PRSS23: variants seen among roughly 807,000 people sequenced by gnomAD.
PRSS23 encodes the protein protease, serine 23.
Under a neutral mutation model 34.7 loss-of-function variants are expected in PRSS23, and 25 were observed. That is an observed-to-expected ratio of 0.72 (90% CI 0.53 to 1.01). The LOEUF (loss-of-function observed/expected upper bound fraction) is 1.01, where lower values mean the gene tolerates loss of function less well. Among genes scored for constraint, PRSS23 ranks in the 50% least tolerant of loss-of-function variants. PRSS23 has a pLI of 0.00. For missense variants in PRSS23, 445 were observed against 475.6 expected (o/e 0.94, Z 0.60); for synonymous variants, 176 against 186.6 (o/e 0.94, Z 0.46).
chr11:86,918,126 A>C (rs1239094771), intron 2 of PRSS23, among the ~76,000 whole-genome samples: 1 of 152,222 alleles, frequency 6.6e-6, no homozygotes, highest in Admixed American at 6.5e-5. Context: ...CTTTTTGCTG[A>C]AAATAAAAAG....
chr11:86,831,916 A>G (rs1948359680), intron 2 of PRSS23, among the ~76,000 whole-genome samples: 1 of 151,600 alleles, frequency 6.6e-6, no homozygotes, highest in Non-Finnish European at 1.5e-5. Flanking sequence ...TTCCGGAATG[A>G]TGTTACTCCT....
chr11:86,909,662 G>GT (rs1242732653), intron 2 of PRSS23: 1 of 152,212 alleles, frequency 6.6e-6, no homozygotes, highest in Admixed American at 6.5e-5. Flanking sequence ...GAACAGGGAT[G>GT]TCCAGAGTAC....
intron 2 of PRSS23, among the ~76,000 whole-genome samples, chr11:86,938,250 T>C (rs1335342760): frequency 6.6e-6 from 1 of 152,170 alleles, no homozygotes; most frequent in Non-Finnish European, 1.5e-5. Context: ...CAATATAATG[T>C]AATATAACAC....
chr11:86,815,508 T>C (rs1185583152), downstream of PRSS23, among the ~76,000 whole-genome samples: 2 of 152,196 alleles, frequency 1.3e-5, no homozygotes, highest in African/African-American at 2.4e-5. Flanking sequence ...TAGGGTTATG[T>C]GAGCTTGGAT....
intron 1 of PRSS23, chr11:86,821,210 C>A: frequency 1.7e-6 from 1 of 605,550 alleles, no homozygotes; most frequent in South Asian, 2.0e-5. Context: ...GAGGTTATCC[C>A]TGGACATCAA....
intron 2 of PRSS23, among the ~76,000 whole-genome samples, chr11:86,870,371 C>T (rs1478569236): frequency 6.6e-6 from 1 of 152,060 alleles, no homozygotes; most frequent in East Asian, 1.9e-4. Flanking sequence ...AATAGGGCCT[C>T]GTACTGTGTT....
intron 2 of PRSS23, among the ~76,000 whole-genome samples, chr11:86,874,742 A>T (rs1948711109): frequency 1.3e-5 from 2 of 152,196 alleles, no homozygotes; most frequent in African/African-American, 4.8e-5. Flanking sequence ...GTGGGTCATG[A>T]ATTGGGATAT....
At chr11:86,894,862 G>A (rs1241615520) in intron 2 of PRSS23, among the ~76,000 whole-genome samples, 1 of 152,094 alleles carries the variant, frequency 6.6e-6, no homozygotes. Flanking sequence ...AGGCTCTAAG[G>A]TATCTCATTT....
downstream of PRSS23, among the ~76,000 whole-genome samples, chr11:86,812,329 G>A (rs1057122181): frequency 6.6e-6 from 1 of 152,186 alleles, no homozygotes; most frequent in African/African-American, 2.4e-5. Context: ...TCAGCATTCT[G>A]AGGGCCTCCA....
At chr11:86,873,201 C>CACACACACATATATATGTATATATATAT (rs1948697117) in intron 2 of PRSS23, among the ~76,000 whole-genome samples, 1 of 132,678 alleles carries the variant, frequency 7.5e-6, no homozygotes, top group Non-Finnish European at 1.6e-5. Context: ...TATATATACA[C>CACACACACATATATATGTATATATATAT]ACACACACAC....
chr11:86,951,030 G>A (rs1158153686), intron 2 of PRSS23: 1 of 1,166,518 alleles, frequency 8.6e-7, no homozygotes, highest in Non-Finnish European at 1.3e-6. Context: ...TCACTTAATT[G>A]TTGCTAGTTT....
intron 2 of PRSS23, among the ~76,000 whole-genome samples, chr11:86,939,905 T>C (rs1324600896): frequency 2.6e-5 from 4 of 152,154 alleles, no homozygotes; most frequent in African/African-American, 9.7e-5. Flanking sequence ...GCCCATGATA[T>C]GGTTTTCTGT....
chr11:86,952,564 C>A, exon 3 of PRSS23: 1 of 1,387,212 alleles, frequency 7.2e-7, no homozygotes, highest in Non-Finnish European at 1.0e-6. Flanking sequence ...TGCTTCCAGG[C>A]AATCTAGGTA....
exon 3 of PRSS23, chr11:86,952,747 C>T: frequency 6.3e-6 from 2 of 317,468 alleles, no homozygotes; most frequent in Non-Finnish European, 5.8e-6. Flanking sequence ...ATTGCATAAG[C>T]CCTCTTTGCA....
At chr11:86,829,986 G>C (rs1310102716) in intron 2 of PRSS23, among the ~76,000 whole-genome samples, 2 of 152,206 alleles carry the variant, frequency 1.3e-5, no homozygotes, top group Non-Finnish European at 2.9e-5. Flanking sequence ...CAGATCTCCA[G>C]CTGCGTGCTG....
chr11:86,847,201 C>G (rs2134912806), intron 2 of PRSS23, among the ~76,000 whole-genome samples: 1 of 152,288 alleles, frequency 6.6e-6, no homozygotes, highest in Non-Finnish European at 1.5e-5. Context: ...ATCCACCACC[C>G]CCTTTAAGCT....
chr11:86,861,492 T>C (rs571000680), intron 2 of PRSS23, among the ~76,000 whole-genome samples: 71 of 151,902 alleles, frequency 4.7e-4, no homozygotes, highest in Admixed American at 7.9e-4. Flanking sequence ...ATTCCCTATA[T>C]CGCAGAAGGT....
chr11:86,897,518 G>A (rs968492217), intron 2 of PRSS23, among the ~76,000 whole-genome samples: 3 of 152,214 alleles, frequency 2.0e-5, no homozygotes, highest in Non-Finnish European at 4.4e-5. Context: ...TGTCACTCAG[G>A]TTGGAGTGCA....
At position 86,887,413 on chromosome 11, in the gene PRSS23, C is replaced by CA. The variant is rs11325675; in HGVS notation, c.207-63790dup. Among the ~76,000 whole-genome samples the CA allele has an allele frequency of 7.6e-3, 1,053 of 138,170 alleles. 7 individuals carry two copies. The highest frequency in any genetic ancestry group is 0.019 in the Middle Eastern group (5 of 268). 90.6% of individuals were successfully genotyped at this position (138,170 alleles called of 152,430 possible). A position where few individuals can be genotyped will look rare whatever the true frequency, so the allele number is the denominator to read the frequency against. On this transcript the variant is annotated intron_variant, in intron 2 of 2. Coordinates refer to the PRSS23 transcript ENST00000533902. ...CAGTCAGGAAAAAAACAAAACAAAACAAAAAAAAAAAAACAGAAGCATGAA... is the reference window on the plus strand; with the variant it reads ...CAGTCAGGAAAAAAACAAAACAAAACAAAAAAAAAAAAAACAGAAGCATGAA...
Sources: allele counts gnomAD v4.1 joint callset (sites outside exome capture counted in the v4.1 genomes callset), GRCh38; gene constraint gnomAD v4.1.1; transcripts MANE v1.5; gene names NCBI Gene and HGNC (gene_info 2026-07-23, HGNC 2026-07-21).